The following IRAK2 variants were observed in gnomAD, a reference collection of about 807,000 sequenced individuals.
IRAK2 encodes interleukin 1 receptor associated kinase 2.
A neutral mutation model predicts 72.0 loss-of-function variants in IRAK2; 57 were observed. That is an observed-to-expected ratio of 0.79 (90% CI 0.64 to 0.99). The LOEUF (loss-of-function observed/expected upper bound fraction) is 0.99, where lower values mean the gene tolerates loss of function less well. Ranked by LOEUF, IRAK2 falls within the 50% of genes least tolerant of loss-of-function variation. The probability of loss-of-function intolerance (pLI) is 0.00; values close to 1 mark genes in which losing one functional copy is unlikely to be tolerated. For synonymous variants in IRAK2, 293 were observed against 312.7 expected, an observed-to-expected ratio of 0.94 and a Z score of 0.67; for missense variants, 790 against 794.4, an observed-to-expected ratio of 0.99 and a Z score of 0.07.
intron 11 of IRAK2, among the ~76,000 whole-genome samples, chr3:10,238,106 G>A (rs926247627): frequency 2.6e-5 from 4 of 151,944 alleles, no homozygotes; most frequent in African/African-American, 7.2e-5. Context: ...ACACACACAC[G>A]TGCACGCACA....
chr3:10,196,612 C>T (rs1248682578), intron 2 of IRAK2, among the ~76,000 whole-genome samples: 5 of 152,176 alleles, frequency 3.3e-5, no homozygotes, highest in African/African-American at 7.2e-5. Context: ...CTGAAGTGCC[C>T]GTGGAGCCCA....
At chr3:10,184,038 G>A (rs371684153) in intron 2 of IRAK2, among the ~76,000 whole-genome samples, 1 of 152,184 alleles carries the variant, frequency 6.6e-6, no homozygotes, top group African/African-American at 2.4e-5. Flanking sequence ...TGTTCTGCCA[G>A]TGTGGACACA....
intron 3 of IRAK2, among the ~76,000 whole-genome samples, chr3:10,206,162 G>A (rs1409257007): frequency 2.0e-5 from 3 of 152,204 alleles, no homozygotes; most frequent in African/African-American, 4.8e-5. Context: ...GGAAGGCTGG[G>A]TGGGCACTTG....
intron 2 of IRAK2, among the ~76,000 whole-genome samples, chr3:10,196,007 C>A (rs1697257943): frequency 6.6e-6 from 1 of 152,196 alleles, no homozygotes; most frequent in South Asian, 2.1e-4. Context: ...ACAGGCAGAG[C>A]TTTCACTTCT....
intron 1 of IRAK2, among the ~76,000 whole-genome samples, chr3:10,168,359 C>T (rs1379224920): frequency 2.6e-5 from 4 of 151,816 alleles, no homozygotes; most frequent in African/African-American, 9.7e-5. Flanking sequence ...TACAGGCATG[C>T]ACCACCGTGC....
At chr3:10,182,287 CTTTTTT>C (rs564399732) in intron 2 of IRAK2, among the ~76,000 whole-genome samples, 1 of 128,722 alleles carries the variant, frequency 7.8e-6, no homozygotes, top group Non-Finnish European at 1.6e-5. Flanking sequence ...TTCTTTTTTT[CTTTTTT>C]TTTTTTTGGG....
chr3:10,179,339 T>C (rs997596540), intron 2 of IRAK2, among the ~76,000 whole-genome samples: 1 of 151,400 alleles, frequency 6.6e-6, no homozygotes, highest in Non-Finnish European at 1.5e-5. Context: ...TGGCACGATC[T>C]TGGCTCACCA....
In IRAK2 at chr3:10,226,382, G is replaced by A. The variant is rs758858966; in HGVS notation, c.1221G>A (p.Glu407=). 3.1e-6 allele frequency: 5 copies of A among 1,613,404 alleles called. No individual in the cohort carries two copies. The East Asian group carries it at 1.1e-4, about 36-fold the overall frequency. The change falls in exon 10 of 13, where the codon GAG becomes GAA. Residue 407 remains glutamate (E), a synonymous_variant. Coordinates refer to ENST00000256458, the MANE Select transcript of IRAK2 (RefSeq NM_001570.4). The stretch of plus-strand genomic sequence containing the variant: ...TCTGTTCTCTCCAGGTGTTGGCCGA[G>A]GTCCTCACGGGCATCCCTGCAATGG... ...DIFSCGIVLA[E]VLTGIPAMDN...
intron 12 of IRAK2, 38 bp from the exon 13 acceptor site, chr3:10,242,074 TTTCA>T: frequency 8.6e-7 from 1 of 1,163,388 alleles, no homozygotes. Context: ...TAATAGTAAC[TTTCA>T]TTCAAGTCGC....
chr3:10,181,055 A>AT, intron 2 of IRAK2, among the ~76,000 whole-genome samples: 2 of 152,218 alleles, frequency 1.3e-5, no homozygotes, highest in Middle Eastern at 3.4e-3. Flanking sequence ...CCCCAGCAGC[A>AT]TAGTGGTGGC....
At chr3:10,223,672 A>C (rs1023082889) in intron 9 of IRAK2, among the ~76,000 whole-genome samples, 3 of 152,242 alleles carry the variant, frequency 2.0e-5, no homozygotes, top group Non-Finnish European at 4.4e-5. Context: ...TCCCAAGCTC[A>C]TTTGACTATG....
chr3:10,204,536 G>A (rs983674091), intron 3 of IRAK2, among the ~76,000 whole-genome samples: 2 of 152,124 alleles, frequency 1.3e-5, no homozygotes, highest in Non-Finnish European at 2.9e-5. Flanking sequence ...ATCACCTCAG[G>A]TCAGGAGTTC....
intron 1 of IRAK2, among the ~76,000 whole-genome samples, chr3:10,165,432 G>GTGTGTGT (rs1171297125): frequency 1.4e-5 from 2 of 145,624 alleles, no homozygotes; most frequent in Admixed American, 1.4e-4. Context: ...TTCTTGGGGG[G>GTGTGTGT]GTGTGTGTGT....
At chr3:10,215,827 C>T (rs1200650882) in intron 6 of IRAK2, among the ~76,000 whole-genome samples, 1 of 152,046 alleles carries the variant, frequency 6.6e-6, no homozygotes, top group Non-Finnish European at 1.5e-5. Context: ...ATTCCCTTTC[C>T]ACTTTGGCTT....
intron 2 of IRAK2, 79 bp downstream of exon 2, chr3:10,178,099 G>A: frequency 8.6e-7 from 1 of 1,162,352 alleles, no homozygotes; most frequent in Non-Finnish European, 1.2e-6. Context: ...TGCACTCTCT[G>A]GCCTTAATAC....
intron 10 of IRAK2, among the ~76,000 whole-genome samples, chr3:10,231,763 C>T (rs909189269): frequency 6.6e-6 from 1 of 152,182 alleles, no homozygotes; most frequent in African/African-American, 2.4e-5. Flanking sequence ...CATTCGCCTG[C>T]CTCAACCTCC....
chr3:10,218,401 G>A (rs902048765), intron 7 of IRAK2, among the ~76,000 whole-genome samples: 49 of 146,396 alleles, frequency 3.3e-4, no homozygotes, highest in African/African-American at 1.2e-3. Context: ...TCCAGCCTGG[G>A]CGACAAAGTG....
chr3:10,165,136 A>G (rs1696659766), intron 1 of IRAK2, 88 bp downstream of exon 1: 2 of 1,171,726 alleles, frequency 1.7e-6, no homozygotes, highest in East Asian at 5.3e-5. Context: ...TCCCTCGGGC[A>G]CCCGGGTTCA....
chr3:10,208,775 GA>G (rs1340241165), intron 3 of IRAK2, among the ~76,000 whole-genome samples: 1 of 150,504 alleles, frequency 6.6e-6, no homozygotes, highest in African/African-American at 2.4e-5. Context: ...AAAAAAAAAA[GA>G]AAAAAAATCT....
Sources: allele counts gnomAD v4.1 joint callset (sites outside exome capture counted in the v4.1 genomes callset), GRCh38; gene constraint gnomAD v4.1.1; transcripts MANE v1.5; gene names NCBI Gene and HGNC (gene_info 2026-07-23, HGNC 2026-07-21).